Variants in LIX1 observed in about 807,000 individuals in gnomAD.
LIX1 encodes the protein limb and CNS expressed 1.
LIX1 carries 24 observed loss-of-function variants against 33.4 expected under a neutral mutation model. The ratio of observed to expected loss-of-function variants is 0.72; its 90% confidence interval spans 0.52 to 1.01. The LOEUF is 1.01. LIX1 is among the 50% of genes least tolerant of loss of function. The pLI, the probability that LIX1 is intolerant of heterozygous loss-of-function variation, is 0.00. For missense variants in LIX1, 311 were observed against 339.2 expected (o/e 0.92, Z 0.65); for synonymous variants, 124 against 124.0 (o/e 1.00, Z 0.00).
intron 2 of LIX1, among the ~76,000 whole-genome samples, chr5:97,115,077 C>T (rs148636379): frequency 3.4e-4 from 52 of 152,320 alleles, no homozygotes; most frequent in African/African-American, 1.2e-3. Flanking sequence ...CTCAATTTCA[C>T]TTCTCTGCTT....
chr5:97,139,158 G>T (rs1748232121), intron 1 of LIX1, among the ~76,000 whole-genome samples: 1 of 152,108 alleles, frequency 6.6e-6, no homozygotes, highest in Admixed American at 6.5e-5. Context: ...GAGTGACCTT[G>T]GGCACGTCAT....
chr5:97,091,920 T>C lies in LIX1; in HGVS notation c.*2828A>G, dbSNP rs316233. On this transcript the variant is annotated 3_prime_UTR_variant, in exon 6 of 6. Coordinates refer to ENST00000274382, the MANE Select transcript of LIX1 (RefSeq NM_153234.5). Reference sequence around the variant, plus strand: ...AAATCTGTACTTTCTGACCCATTTATCCAAGTTTAGTGACAGTTTGCTCTA... The same window carrying C: ...AAATCTGTACTTTCTGACCCATTTACCCAAGTTTAGTGACAGTTTGCTCTA... 0.33 allele frequency: 49,826 copies of C among 152,250 alleles called. 9,275 individuals carry two copies. The highest frequency in any genetic ancestry group is 0.52 in the African/African-American group (21,550 of 41,470). The allele number at this position is 152,250 out of a possible 1,614,324, so 9.4% of individuals were successfully genotyped here. A position where few individuals can be genotyped will look rare whatever the true frequency, so the allele number is the denominator to read the frequency against.
chr5:97,104,356 C>A (rs1746898710), intron 4 of LIX1, among the ~76,000 whole-genome samples: 1 of 152,048 alleles, frequency 6.6e-6, no homozygotes, highest in Non-Finnish European at 1.5e-5. Context: ...TTCAACTGCA[C>A]TGGAGTTAAG....
intron 2 of LIX1, among the ~76,000 whole-genome samples, chr5:97,117,605 T>C (rs1747669589): frequency 6.6e-6 from 1 of 152,252 alleles, no homozygotes; most frequent in African/African-American, 2.4e-5. Flanking sequence ...CGCATGGAAG[T>C]ATAAAACGCG....
chr5:97,100,514 A>C (rs573508328), intron 4 of LIX1, among the ~76,000 whole-genome samples: 1 of 152,204 alleles, frequency 6.6e-6, no homozygotes, highest in South Asian at 2.1e-4. Flanking sequence ...ATATTTAAAT[A>C]TTTTCACATA....
At chr5:97,139,425 T>C (rs1748239348) in intron 1 of LIX1, among the ~76,000 whole-genome samples, 1 of 152,242 alleles carries the variant, frequency 6.6e-6, no homozygotes, top group Non-Finnish European at 1.5e-5. Flanking sequence ...TGGTGATTTC[T>C]TTTGAGAAAG....
intron 2 of LIX1, among the ~76,000 whole-genome samples, chr5:97,115,999 T>C (rs937420150): frequency 3.9e-5 from 6 of 152,286 alleles, no homozygotes; most frequent in African/African-American, 1.4e-4. Flanking sequence ...CTATCGGCTG[T>C]TAGGTCTGTC....
At chr5:97,116,846 A>C (rs1747649156) in intron 2 of LIX1, among the ~76,000 whole-genome samples, 1 of 151,942 alleles carries the variant, frequency 6.6e-6, no homozygotes, top group Admixed American at 6.6e-5. Context: ...CCACTCAGCA[A>C]CTCACTGAGC....
chr5:97,136,979 A>G (rs1199937543), intron 1 of LIX1: 1 of 275,640 alleles, frequency 3.6e-6, no homozygotes, highest in Admixed American at 4.6e-5. Flanking sequence ...TATGAAATGT[A>G]TTACAAAAAG....
intron 5 of LIX1, among the ~76,000 whole-genome samples, chr5:97,096,233 G>T (rs187570698): frequency 1.3e-5 from 2 of 152,116 alleles, no homozygotes; most frequent in Non-Finnish European, 2.9e-5. Context: ...AAGGGGGAAG[G>T]GTGCTTCTCA....
At chr5:97,128,149 G>A (rs1037342200) in intron 1 of LIX1, among the ~76,000 whole-genome samples, 2 of 152,140 alleles carry the variant, frequency 1.3e-5, no homozygotes, top group African/African-American at 4.8e-5. Flanking sequence ...ATTCCACATT[G>A]ACTATCTCTG....
Position 97,142,533 on chromosome 5 carries a change from A to C in LIX1, c.44T>G (p.Val15Gly). ...TAGAGCCGGATCTCTGTGAGGCAAG[A>C]CTTGGGCAATGATGTGTCTCAGAGA... ...LESLRHIIAQ[V>G]LPHRDPALVF... Residue 15 changes from valine (V) to glycine (G), a missense_variant, in exon 1 of 6, where the codon GTC (valine) becomes GGC (glycine). By Grantham distance (109) the Val-to-Gly change is moderately radical (BLOSUM62 -3). Transcript: ENST00000274382. 6.2e-7 allele frequency: 1 copy of C among 1,614,108 alleles called. No homozygotes were observed. The highest frequency in any genetic ancestry group is 8.5e-7 in the Non-Finnish European group (1 of 1,179,948).
chr5:97,128,651 T>C (rs900585296), intron 1 of LIX1, among the ~76,000 whole-genome samples: 3 of 152,168 alleles, frequency 2.0e-5, no homozygotes, highest in African/African-American at 7.2e-5. Flanking sequence ...ATTACTTTTC[T>C]TTCTCCTGGG....
intron 2 of LIX1, among the ~76,000 whole-genome samples, chr5:97,119,085 C>T (rs191788652): frequency 2.4e-4 from 36 of 152,308 alleles, no homozygotes; most frequent in African/African-American, 6.7e-4. Flanking sequence ...TAATCTCTTA[C>T]AGCTTTCATG....
At chr5:97,102,227 C>T (rs776933409) in intron 4 of LIX1, 11 of 152,016 alleles carry the variant, frequency 7.2e-5, no homozygotes, top group Non-Finnish European at 1.3e-4. Context: ...GAGACACCAG[C>T]TTGTTTTTAT....
Position 97,135,556 on chromosome 5 carries a change from C to T in LIX1, c.82+6939G>A, listed in dbSNP as rs6880456. Among the ~76,000 whole-genome samples the T allele has an allele frequency of 5.0e-3, 768 of 152,288 alleles. 10 individuals are homozygous for T. The highest frequency in any genetic ancestry group is 0.017 in the African/African-American group (710 of 41,564). On this transcript the variant is annotated intron_variant, in intron 1 of 5. Coordinates refer to ENST00000274382, the MANE Select transcript of LIX1 (RefSeq NM_153234.5). ...ACTTTAGGCCAGGCGCAGTGGCTCACGTCTGTAATCCCAGCACTCTGGGAG... is the reference window on the plus strand; with the variant it reads ...ACTTTAGGCCAGGCGCAGTGGCTCATGTCTGTAATCCCAGCACTCTGGGAG...
At chr5:97,095,456 T>A (rs1746328510) in intron 5 of LIX1, among the ~76,000 whole-genome samples, 1 of 152,206 alleles carries the variant, frequency 6.6e-6, no homozygotes, top group South Asian at 2.1e-4. Context: ...TTGGGCAGAA[T>A]GGGGTTTGGT....
intron 2 of LIX1, among the ~76,000 whole-genome samples, chr5:97,117,201 C>T (rs776239387): frequency 6.6e-5 from 10 of 152,164 alleles, no homozygotes; most frequent in Non-Finnish European, 1.5e-4. Context: ...GGATGCTTTC[C>T]TGTGGAGATT....
intron 4 of LIX1, among the ~76,000 whole-genome samples, chr5:97,103,539 G>T (rs116768906): frequency 6.6e-6 from 1 of 152,160 alleles, no homozygotes; most frequent in Non-Finnish European, 1.5e-5. Context: ...TGGCCAGCCC[G>T]CTGCAGAGTC....
Sources: gnomAD v4.1 joint callset for allele counts (sites outside exome capture counted in the v4.1 genomes callset) on GRCh38, gnomAD v4.1.1 for gene constraint, MANE v1.5 for transcripts, NCBI Gene and HGNC (gene_info 2026-07-23, HGNC 2026-07-21) for gene names.